PIK3C2G: variants seen among roughly 807,000 people sequenced by gnomAD.
The protein encoded by PIK3C2G is phosphatidylinositol 3-kinase C2 domain-containing subunit gamma.
Under a neutral mutation model 181.1 loss-of-function variants are expected in PIK3C2G, and 168 were observed. The ratio of observed to expected loss-of-function variants is 0.93; its 90% confidence interval spans 0.82 to 1.05. The LOEUF (loss-of-function observed/expected upper bound fraction) is 1.05. PIK3C2G is among the 50% of genes least tolerant of loss of function. The probability of loss-of-function intolerance (pLI) is 0.00; values close to 1 mark genes in which losing one functional copy is unlikely to be tolerated. For synonymous variants in PIK3C2G, 573 were observed against 592.2 expected, an observed-to-expected ratio of 0.97 and a Z score of 0.47; for missense variants, 1,869 against 1,732.8, an observed-to-expected ratio of 1.08 and a Z score of -1.40.
chr12:18,305,486 A>G (rs1434723938), intron 5 of PIK3C2G, among the ~76,000 whole-genome samples: 1 of 152,152 alleles, frequency 6.6e-6, no homozygotes, highest in African/African-American at 2.4e-5. Flanking sequence ...GATGTATAAT[A>G]CCAAAATGCA....
At chr12:18,398,861 C>T (rs11044074) in intron 15 of PIK3C2G, among the ~76,000 whole-genome samples, 19,013 of 152,106 alleles carry the variant, frequency 0.12, 1,221 homozygotes, top group African/African-American at 0.14. Context: ...TTCTTAACTC[C>T]GATAAAACTT....
At chr12:18,650,714 A>G (rs1391057818), downstream of PIK3C2G, among the ~76,000 whole-genome samples, 371 of 3,400 alleles carry the variant, frequency 0.11, 11 homozygotes, top group African/African-American at 0.23. Context: ...GTATATATCT[A>G]TATATATATA....
intron 18 of PIK3C2G, among the ~76,000 whole-genome samples, chr12:18,467,808 T>C (rs181471554): frequency 1.3e-5 from 2 of 151,894 alleles, no homozygotes; most frequent in African/African-American, 4.8e-5. Context: ...CAGCACATCT[T>C]ATAGAAAGAG....
intron 11 of PIK3C2G, among the ~76,000 whole-genome samples, chr12:18,352,119 G>A (rs992349768): frequency 6.6e-6 from 1 of 152,124 alleles, no homozygotes; most frequent in African/African-American, 2.4e-5. Context: ...GGGATACAGA[G>A]GACCAACTCT....
At chr12:18,649,763 T>G (rs1162353202), downstream of PIK3C2G, among the ~76,000 whole-genome samples, 1 of 152,218 alleles carries the variant, frequency 6.6e-6, no homozygotes, top group Non-Finnish European at 1.5e-5. Context: ...GTCAACAGTA[T>G]TGGATACAAT....
chr12:18,389,060 A>C (rs1943366700), intron 14 of PIK3C2G, among the ~76,000 whole-genome samples: 1 of 152,176 alleles, frequency 6.6e-6, no homozygotes, highest in Admixed American at 6.5e-5. Context: ...TTCCTTTCAA[A>C]AGAAATTTGA....
chr12:18,433,904 A>T (rs1489641415), intron 18 of PIK3C2G, among the ~76,000 whole-genome samples: 1 of 152,198 alleles, frequency 6.6e-6, no homozygotes, highest in Non-Finnish European at 1.5e-5. Flanking sequence ...AAGATCTGGG[A>T]TGGTGACAGA....
chr12:18,701,878 T>C, the PIK3C2G span: 1 of 1,478,262 alleles, frequency 6.8e-7, no homozygotes, highest in Admixed American at 2.2e-5. Flanking sequence ...TAGCCTACAG[T>C]AATAAGATAT....
At chr12:18,619,907 G>T (rs1245672117) in intron 31 of PIK3C2G, among the ~76,000 whole-genome samples, 18 of 151,952 alleles carry the variant, frequency 1.2e-4, no homozygotes, top group Admixed American at 1.2e-3. Flanking sequence ...TGTATTTTTA[G>T]TAGAGACAGG....
At chr12:18,722,217 T>TC in the PIK3C2G span, among the ~76,000 whole-genome samples, 134,128 of 150,760 alleles carry the variant, frequency 0.89, 59,332 homozygotes, top group East Asian at 1. Flanking sequence ...TCCATCACCT[T>TC]CTTGCTCTAT....
At chr12:18,406,196 A>G (rs1944520298) in intron 16 of PIK3C2G, among the ~76,000 whole-genome samples, 1 of 152,160 alleles carries the variant, frequency 6.6e-6, no homozygotes, top group African/African-American at 2.4e-5. Flanking sequence ...TCGTGCTATC[A>G]TAAATAACAG....
At chr12:18,497,011 C>A (rs1474053205) in intron 21 of PIK3C2G, among the ~76,000 whole-genome samples, 3 of 152,134 alleles carry the variant, frequency 2.0e-5, no homozygotes, top group Non-Finnish European at 4.4e-5. Context: ...CTATCCTTCC[C>A]CTTTGGACAT....
chr12:18,432,747 T>C (rs990838703), intron 18 of PIK3C2G, among the ~76,000 whole-genome samples: 6 of 152,218 alleles, frequency 3.9e-5, no homozygotes, highest in African/African-American at 1.4e-4. Flanking sequence ...AAATGGGACT[T>C]GAAGGATCAT....
chr12:18,563,019 T>A lies in PIK3C2G; in HGVS notation c.3780+127T>A, dbSNP rs112362447. On this transcript the variant is annotated intron_variant, in intron 27 of 32. Transcript: ENST00000538779. Reference sequence around the variant, plus strand: ...TAAGCAAATGAAAAATAATTTACAATTTAAGCAGAAGTGTCATTAAGAGGA... The same window carrying A: ...TAAGCAAATGAAAAATAATTTACAAATTAAGCAGAAGTGTCATTAAGAGGA... The A allele has an allele frequency of 9.6e-4, 654 of 682,590 alleles. 6 individuals carry two copies. In the African/African-American group the frequency reaches 0.01, roughly 11 times the overall value. 42.3% of individuals were successfully genotyped at this position (682,590 alleles called of 1,614,324 possible). A position where few individuals can be genotyped will look rare whatever the true frequency, so the allele number is the denominator to read the frequency against.
chr12:18,327,272 T>C (rs558800486), intron 8 of PIK3C2G, among the ~76,000 whole-genome samples: 1 of 152,216 alleles, frequency 6.6e-6, no homozygotes, highest in African/African-American at 2.4e-5. Flanking sequence ...GACTATGATA[T>C]TATCAGTTCA....
At chr12:18,697,237 T>C in the PIK3C2G span, among the ~76,000 whole-genome samples, 73,481 of 151,878 alleles carry the variant, frequency 0.48, 18,937 homozygotes, top group African/African-American at 0.66. Context: ...CACCTCTCCC[T>C]TCATCCTAAA....
At position 18,340,976 on chromosome 12, in the gene PIK3C2G, T is replaced by C. The variant is rs144856651; in HGVS notation, c.1396-2351T>C. Among the ~76,000 whole-genome samples, 21 of 152,238 alleles carry C rather than the reference T, an allele frequency of 1.4e-4. No individual in the cohort carries two copies. The East Asian group carries it at 2.7e-3, about 20-fold the overall frequency. On this transcript the variant is annotated intron_variant, in intron 9 of 32. Transcript: ENST00000538779. The stretch of plus-strand genomic sequence containing the variant: ...ATTACAGCCAGCCTCCTGACAAATA[T>C]GAACCACTGCCAGAGGAGGAAACCA...
chr12:18,416,195 A>C (rs2135670962), intron 16 of PIK3C2G, among the ~76,000 whole-genome samples: 1 of 152,246 alleles, frequency 6.6e-6, no homozygotes, highest in South Asian at 2.1e-4. Flanking sequence ...CAGTGGGCTG[A>C]GATTGCACCA....
At position 18,255,216 on chromosome 12, in the gene PIK3C2G, A is replaced by AAAATAAATAAATAAAT. The variant is rs59041304; in HGVS notation, c.-79+7158_-79+7173dup. On this transcript the variant is annotated intron_variant, in intron 1 of 11. Coordinates refer to the PIK3C2G transcript ENST00000535651. ...GGGCAATGAGTGAAACTCCGTCTCA[A>AAAATAAATAAATAAAT]AAATAAATAAATAAATAAATAAATA... Among the ~76,000 whole-genome samples, 439 of 131,906 alleles carry AAAATAAATAAATAAAT rather than the reference A, an allele frequency of 3.3e-3. 5 individuals carry two copies. Among genetic ancestry groups the AAAATAAATAAATAAAT allele is most frequent in the Non-Finnish European group, 4.5e-3 (282 of 62,848 alleles). The allele number at this position is 131,906 out of a possible 152,430, so 86.5% of individuals were successfully genotyped here. A position where few individuals can be genotyped will look rare whatever the true frequency, so the allele number is the denominator to read the frequency against.
Sources: allele counts gnomAD v4.1 joint callset (sites outside exome capture counted in the v4.1 genomes callset), GRCh38; gene constraint gnomAD v4.1.1; transcripts MANE v1.5; gene names NCBI Gene and HGNC (gene_info 2026-07-23, HGNC 2026-07-21).